ST8SIA4: variants seen among roughly 807,000 people sequenced by gnomAD.
ST8SIA4 encodes ST8 alpha-N-acetyl-neuraminide alpha-2,8-sialyltransferase 4.
In ST8SIA4, 15 loss-of-function variants were observed where a neutral mutation model predicts 33.9. The ratio of observed to expected loss-of-function variants is 0.44; its 90% CI spans 0.30 to 0.68. The LOEUF (loss-of-function observed/expected upper bound fraction) is 0.68, where lower values mean the gene tolerates loss of function less well. Among genes scored for constraint, ST8SIA4 ranks in the 30% least tolerant of loss-of-function variants. The pLI is 0.10. For synonymous variants in ST8SIA4, 171 were observed against 151.2 expected (o/e 1.13, Z -0.96); for missense variants, 321 against 428.0 (o/e 0.75, Z 2.21).
chr5:100,864,344 G>GC (rs1561398817), intron 3 of ST8SIA4, among the ~76,000 whole-genome samples: 9 of 152,008 alleles, frequency 5.9e-5, no homozygotes, highest in Admixed American at 3.9e-4. Flanking sequence ...GGAGGCCGAG[G>GC]TGGCTGGATC....
intron 4 of ST8SIA4, among the ~76,000 whole-genome samples, chr5:100,855,003 C>T (rs1393584319): frequency 6.6e-6 from 1 of 152,202 alleles, no homozygotes; most frequent in Non-Finnish European, 1.5e-5. Flanking sequence ...ATTCAGACAT[C>T]TAACTGTGCT....
chr5:100,870,288 A>G (rs1322103864), intron 3 of ST8SIA4, among the ~76,000 whole-genome samples: 1 of 152,140 alleles, frequency 6.6e-6, no homozygotes, highest in Non-Finnish European at 1.5e-5. Context: ...GCTATTGTGA[A>G]TAGTCTTATC....
Position 100,808,798 on chromosome 5 carries a change from A to T in ST8SIA4, c.*3049T>A, listed in dbSNP as rs889329309. 1 of 152,616 alleles carries T rather than the reference A, an allele frequency of 6.6e-6. No individual in the cohort carries two copies. Among genetic ancestry groups the T allele is most frequent in the Non-Finnish European group, 1.5e-5 (1 of 68,044 alleles). The allele number at this position is 152,616 out of a possible 1,614,324, so 9.5% of individuals were successfully genotyped here. Reference sequence around the variant, plus strand: ...TGTTTCCATAAAAAGGCCACAGTAGATAGTTAAAATGGGAGGGCAGATGGA... The same window carrying T: ...TGTTTCCATAAAAAGGCCACAGTAGTTAGTTAAAATGGGAGGGCAGATGGA... On this transcript the variant is annotated 3_prime_UTR_variant, in exon 5 of 5. Coordinates refer to ENST00000231461, the MANE Select transcript of ST8SIA4 (RefSeq NM_005668.6).
intron 3 of ST8SIA4, among the ~76,000 whole-genome samples, chr5:100,866,372 CTTGA>C (rs1013162540): frequency 6.6e-6 from 1 of 151,962 alleles, no homozygotes; most frequent in Non-Finnish European, 1.5e-5. Context: ...AGTGCTATAT[CTTGA>C]TTAATTGTTT....
At position 100,812,327 on chromosome 5, in the gene ST8SIA4, T is replaced by C. The variant is rs1750832782; in HGVS notation, c.798-198A>G. ...TTTCTTCTTTATCCTTTATTTTCTTTCTTATTCTTGAGGTCATATAAATAC... is the reference window on the plus strand; with the variant it reads ...TTTCTTCTTTATCCTTTATTTTCTTCCTTATTCTTGAGGTCATATAAATAC... On this transcript the variant is annotated intron_variant, in intron 4 of 4. Transcript: ENST00000231461. Among the ~76,000 whole-genome samples the C allele has an allele frequency of 2.6e-5, 4 of 152,330 alleles. No individual in the cohort carries two copies. The South Asian group carries it at 8.3e-4, about 32-fold the overall frequency.
chr5:100,888,600 G>C (rs1377469160), intron 2 of ST8SIA4, among the ~76,000 whole-genome samples: 1 of 151,810 alleles, frequency 6.6e-6, no homozygotes, highest in East Asian at 1.9e-4. Flanking sequence ...TTTTCCTCTA[G>C]TGCTCTTATT....
chr5:100,871,796 A>G (rs998874240), intron 3 of ST8SIA4, among the ~76,000 whole-genome samples: 12 of 152,074 alleles, frequency 7.9e-5, no homozygotes, highest in African/African-American at 2.9e-4. Flanking sequence ...TTCTCATCTG[A>G]TAAATGAGAA....
At chr5:100,834,069 G>T (rs933730042) in intron 4 of ST8SIA4, among the ~76,000 whole-genome samples, 1 of 152,032 alleles carries the variant, frequency 6.6e-6, no homozygotes, top group African/African-American at 2.4e-5. Flanking sequence ...TCAAATGAGT[G>T]CTAATATAAT....
intron 4 of ST8SIA4, among the ~76,000 whole-genome samples, chr5:100,818,957 T>C (rs1750985481): frequency 6.6e-6 from 1 of 152,184 alleles, no homozygotes; most frequent in Admixed American, 6.5e-5. Context: ...ACATCAAGTA[T>C]GGATACAATG....
intron 4 of ST8SIA4, among the ~76,000 whole-genome samples, chr5:100,815,525 T>C (rs1309309683): frequency 6.6e-6 from 1 of 151,918 alleles, no homozygotes; most frequent in Non-Finnish European, 1.5e-5. Context: ...CTCTGGACTT[T>C]ATGTGTTAAT....
chr5:100,897,436 C>T (rs564127755), intron 1 of ST8SIA4, among the ~76,000 whole-genome samples: 3 of 152,262 alleles, frequency 2.0e-5, no homozygotes, highest in African/African-American at 7.2e-5. Context: ...CGAATAGTAA[C>T]CATAGCCCTT....
At chr5:100,845,417 A>G (rs1324747004) in intron 4 of ST8SIA4, among the ~76,000 whole-genome samples, 2 of 151,692 alleles carry the variant, frequency 1.3e-5, no homozygotes, top group African/African-American at 4.8e-5. Context: ...ATTTTACTAT[A>G]TATAAGAAAT....
chr5:100,874,660 C>A (rs897224225), intron 3 of ST8SIA4, among the ~76,000 whole-genome samples: 3 of 152,052 alleles, frequency 2.0e-5, no homozygotes, highest in Non-Finnish European at 4.4e-5. Context: ...TCATGGCTCA[C>A]TGCAGCCTCA....
Position 100,808,539 on chromosome 5 carries a change from A to T in ST8SIA4, c.*3308T>A, listed in dbSNP as rs1030048324. 2 of 152,588 alleles carry T rather than the reference A, an allele frequency of 1.3e-5. No individual in the cohort carries two copies. Among genetic ancestry groups the T allele is most frequent in the Non-Finnish European group, 2.9e-5 (2 of 68,040 alleles). 9.5% of individuals were successfully genotyped at this position (152,588 alleles called of 1,614,324 possible). On this transcript the variant is annotated 3_prime_UTR_variant, in exon 5 of 5. Transcript: ENST00000231461. ...CAGCACAATAACAACCATGTTCTGT[A>T]AAGGACAAGAATATTTCACAATCAG...
intron 4 of ST8SIA4, among the ~76,000 whole-genome samples, chr5:100,838,683 T>C (rs907862147): frequency 1.3e-5 from 2 of 151,982 alleles, no homozygotes; most frequent in African/African-American, 4.8e-5. Flanking sequence ...TCTATAAGAA[T>C]GTAATTAATT....
At chr5:100,856,927 C>T (rs968785484) in intron 3 of ST8SIA4, among the ~76,000 whole-genome samples, 1 of 152,110 alleles carries the variant, frequency 6.6e-6, no homozygotes, top group African/African-American at 2.4e-5. Flanking sequence ...TAGTGTTTTA[C>T]ACAAACATAT....
intron 4 of ST8SIA4, among the ~76,000 whole-genome samples, chr5:100,834,434 A>G (rs1751323726): frequency 6.6e-6 from 1 of 152,194 alleles, no homozygotes. Context: ...TGTAATTGCT[A>G]AAAAGGTATT....
chr5:100,902,778 C>G, intron 1 of ST8SIA4, 65 bp downstream of exon 1: 1 of 1,346,300 alleles, frequency 7.4e-7, no homozygotes, highest in Non-Finnish European at 1.1e-6. Flanking sequence ...ACTCTACCCT[C>G]TATATTCACA....
chr5:100,830,023 T>C (rs1171340319), intron 4 of ST8SIA4, among the ~76,000 whole-genome samples: 2 of 152,246 alleles, frequency 1.3e-5, no homozygotes, highest in Admixed American at 6.5e-5. Flanking sequence ...AGTCTTTATT[T>C]ATTATTTATG....
Sources: gnomAD v4.1 joint callset for allele counts (sites outside exome capture counted in the v4.1 genomes callset) on GRCh38, gnomAD v4.1.1 for gene constraint, MANE v1.5 for transcripts, NCBI Gene and HGNC (gene_info 2026-07-23, HGNC 2026-07-21) for gene names.